Variants in APBB2 observed in about 807,000 individuals in gnomAD.
The protein encoded by APBB2 is amyloid beta precursor protein binding family B member 2.
Under a neutral mutation model 82.5 loss-of-function variants are expected in APBB2, and 38 were observed. The ratio of observed to expected loss-of-function variants is 0.46; its 90% confidence interval spans 0.36 to 0.60. The LOEUF (loss-of-function observed/expected upper bound fraction) is 0.60, where lower values mean the gene tolerates loss of function less well. Among genes scored for constraint, APBB2 ranks in the 20% least tolerant of loss-of-function variants. The pLI is 0.00. For synonymous variants in APBB2, 341 were observed against 368.2 expected, an observed-to-expected ratio of 0.93 and a Z score of 0.85; for missense variants, 772 against 972.3, an observed-to-expected ratio of 0.79 and a Z score of 2.74.
At position 40,970,591 on chromosome 4, in the gene APBB2, C is replaced by A. The variant is rs372946369; in HGVS notation, c.836-25518G>T. On this transcript the variant is annotated intron_variant, in intron 6 of 17. Transcript: ENST00000508593. ...TGGTCTTGCCAGTGAGACTAGAATG[C>A]TCTGACACCACGGGCTAGACTCAGA... 2.6e-5 allele frequency among the ~76,000 whole-genome samples: 4 copies of A among 152,242 alleles called. No individual in the cohort carries two copies. In the East Asian group the frequency reaches 5.8e-4, roughly 22 times the overall value.
intron 12 of APBB2, among the ~76,000 whole-genome samples, chr4:40,887,870 G>A (rs1770778923): frequency 6.6e-6 from 1 of 152,176 alleles, no homozygotes; most frequent in South Asian, 2.1e-4. Context: ...AAAAACATGA[G>A]TAATACAGCC....
intron 2 of APBB2, among the ~76,000 whole-genome samples, chr4:41,104,297 G>A (rs961848306): frequency 2.6e-5 from 4 of 152,086 alleles, no homozygotes; most frequent in African/African-American, 4.8e-5. Flanking sequence ...CAAAAACAGT[G>A]ACTCTTTTAG....
rs545017996 is a variant in APBB2 at position 40,932,214 on chromosome 4, G to A, written c.1254+2242C>T. 6.6e-5 allele frequency among the ~76,000 whole-genome samples: 10 copies of A among 152,314 alleles called. No homozygotes were observed. In the East Asian group the frequency reaches 1.7e-3, roughly 26 times the overall value. ...TTAGTGGTGGACAGAGATATTCACT[G>A]CTCCTCTTCCAGCCTTTGCTGATAG... On this transcript the variant is annotated intron_variant, in intron 10 of 17. Coordinates refer to ENST00000508593, the MANE Select transcript of APBB2 (RefSeq NM_004307.2).
chr4:41,058,186 A>G (rs1050613230), intron 4 of APBB2, among the ~76,000 whole-genome samples: 1 of 152,148 alleles, frequency 6.6e-6, no homozygotes. Context: ...TGGAAAAGGG[A>G]AAGTGATAGA....
chr4:41,058,099 G>T (rs2153871564), intron 4 of APBB2, among the ~76,000 whole-genome samples: 1 of 152,282 alleles, frequency 6.6e-6, no homozygotes, highest in East Asian at 1.9e-4. Flanking sequence ...GCAGACACCA[G>T]GTAGGCTTCT....
intron 12 of APBB2, among the ~76,000 whole-genome samples, chr4:40,889,176 A>G (rs899456456): frequency 2.6e-5 from 4 of 152,200 alleles, no homozygotes; most frequent in African/African-American, 7.2e-5. Flanking sequence ...GGCTTATCCA[A>G]TTGGCAGTGA....
intron 3 of APBB2, among the ~76,000 whole-genome samples, chr4:41,091,408 T>C (rs992272727): frequency 2.6e-5 from 4 of 152,226 alleles, no homozygotes; most frequent in Admixed American, 1.3e-4. Flanking sequence ...TACTTTTGTA[T>C]ACATAATGAA....
At chr4:41,078,432 C>T (rs1262893685) in intron 3 of APBB2, among the ~76,000 whole-genome samples, 3 of 152,146 alleles carry the variant, frequency 2.0e-5, no homozygotes, top group Admixed American at 1.3e-4. Flanking sequence ...ATAAACCACC[C>T]AACTGTATAA....
intron 1 of APBB2, among the ~76,000 whole-genome samples, chr4:41,185,709 A>G (rs1382022401): frequency 6.6e-6 from 1 of 151,920 alleles, no homozygotes; most frequent in Non-Finnish European, 1.5e-5. Context: ...TTTAAAATAG[A>G]TTTTCCATGC....
intron 5 of APBB2, among the ~76,000 whole-genome samples, chr4:41,026,279 C>T (rs114462568): frequency 0.022 from 3,382 of 152,220 alleles, 130 homozygotes; most frequent in African/African-American, 0.078. Flanking sequence ...AACAAAGCCC[C>T]ATGACATGTG....
intron 1 of APBB2, among the ~76,000 whole-genome samples, chr4:41,146,323 C>CAAAA (rs35546477): frequency 1.7e-5 from 1 of 58,344 alleles, no homozygotes; most frequent in Non-Finnish European, 3.1e-5. Flanking sequence ...AAGACTGTCT[C>CAAAA]AAAAAAAAAA....
At chr4:40,869,410 AC>A (rs1764851016) in intron 12 of APBB2, among the ~76,000 whole-genome samples, 1 of 150,704 alleles carries the variant, frequency 6.6e-6, no homozygotes, top group Admixed American at 6.6e-5. Flanking sequence ...ATATAGCAAG[AC>A]CCCATCAATA....
At chr4:41,021,073 G>A (rs1248753706) in intron 5 of APBB2, among the ~76,000 whole-genome samples, 1 of 152,194 alleles carries the variant, frequency 6.6e-6, no homozygotes, top group Non-Finnish European at 1.5e-5. Flanking sequence ...TTCGGGCCCT[G>A]TATTTTTAAT....
intron 6 of APBB2, among the ~76,000 whole-genome samples, chr4:40,981,184 C>A (rs1578940934): frequency 6.6e-6 from 1 of 151,980 alleles, no homozygotes; most frequent in Admixed American, 6.6e-5. Context: ...GCGGGCGGAT[C>A]ACGAGGTCAA....
chr4:40,851,058 A>G (rs1016763994), intron 12 of APBB2, among the ~76,000 whole-genome samples: 1 of 152,236 alleles, frequency 6.6e-6, no homozygotes, highest in Admixed American at 6.5e-5. Context: ...AGCACTGGCT[A>G]AACACTTCGT....
At chr4:40,991,890 T>G (rs1057159231) in intron 6 of APBB2, among the ~76,000 whole-genome samples, 4 of 151,870 alleles carry the variant, frequency 2.6e-5, no homozygotes, top group African/African-American at 4.8e-5. Flanking sequence ...TCTATGAGAG[T>G]GGTCTGCAAT....
chr4:40,973,891 G>A (rs941545418), intron 6 of APBB2, among the ~76,000 whole-genome samples: 1 of 144,862 alleles, frequency 6.9e-6, no homozygotes, highest in African/African-American at 2.6e-5. Context: ...TCACTCTGTC[G>A]CCCAGGTTGG....
At chr4:40,851,201 G>A (rs935128306) in intron 12 of APBB2, among the ~76,000 whole-genome samples, 2 of 152,180 alleles carry the variant, frequency 1.3e-5, no homozygotes, top group African/African-American at 4.8e-5. Flanking sequence ...TCTCGTTACA[G>A]GTGACAAACT....
At chr4:40,950,087 T>C (rs775249000) in intron 6 of APBB2, among the ~76,000 whole-genome samples, 2 of 152,070 alleles carry the variant, frequency 1.3e-5, no homozygotes, top group Admixed American at 6.6e-5. Context: ...AGAAATCTAA[T>C]AAAAAGCCTG....
Sources: gnomAD v4.1 joint callset for allele counts (sites outside exome capture counted in the v4.1 genomes callset) on GRCh38, gnomAD v4.1.1 for gene constraint, MANE v1.5 for transcripts, NCBI Gene and HGNC (gene_info 2026-07-23, HGNC 2026-07-21) for gene names.